Variants in ASTN2 observed in about 807,000 individuals in gnomAD.
ASTN2 encodes the protein astrotactin 2, also known as astrotactin-2.
Under a neutral mutation model 139.8 loss-of-function variants are expected in ASTN2, and 54 were observed. The ratio of observed to expected loss-of-function variants is 0.39; its 90% CI spans 0.31 to 0.48. The LOEUF (loss-of-function observed/expected upper bound fraction) is 0.48. Ranked by LOEUF, ASTN2 falls within the 20% of genes least tolerant of loss-of-function variation. The pLI is 0.95. For synonymous variants in ASTN2, 756 were observed against 719.5 expected, an observed-to-expected ratio of 1.05 and a Z score of -0.81; for missense variants, 1,565 against 1,725.1, an observed-to-expected ratio of 0.91 and a Z score of 1.64.
chr9:116,983,100 G>A (rs935508461), intron 7 of ASTN2, among the ~76,000 whole-genome samples: 5 of 152,266 alleles, frequency 3.3e-5, no homozygotes, highest in African/African-American at 1.2e-4. Context: ...ACCGGCCAGG[G>A]ATGCTGCCTG....
chr9:116,428,478 C>G (rs374001586), intron 22 of ASTN2, among the ~76,000 whole-genome samples: 4 of 151,588 alleles, frequency 2.6e-5, no homozygotes, highest in African/African-American at 9.7e-5. Context: ...GAACCAAGAT[C>G]GCGCCACTGC....
intron 2 of ASTN2, among the ~76,000 whole-genome samples, chr9:117,231,880 TTC>T (rs1466853140): frequency 6.6e-6 from 1 of 152,178 alleles, no homozygotes; most frequent in Non-Finnish European, 1.5e-5. Context: ...TTCTTCCTTG[TTC>T]TCTGTCCCGA....
At chr9:117,149,976 T>C (rs1256111657) in intron 3 of ASTN2, among the ~76,000 whole-genome samples, 1 of 152,156 alleles carries the variant, frequency 6.6e-6, no homozygotes, top group Non-Finnish European at 1.5e-5. Context: ...GGAGCAAATA[T>C]AAATTGGAAA....
chr9:116,645,084 T>C (rs1274321675), intron 17 of ASTN2, among the ~76,000 whole-genome samples: 1 of 152,168 alleles, frequency 6.6e-6, no homozygotes, highest in African/African-American at 2.4e-5. Flanking sequence ...TTGCCTACTT[T>C]ACAAATAAGT....
chr9:116,788,947 G>A (rs1830454810), intron 13 of ASTN2, among the ~76,000 whole-genome samples: 1 of 152,086 alleles, frequency 6.6e-6, no homozygotes, highest in Admixed American at 6.6e-5. Context: ...TGATTGGCTG[G>A]AGCACAAAGC....
intron 16 of ASTN2, among the ~76,000 whole-genome samples, chr9:116,714,593 T>C (rs1828262607): frequency 6.6e-6 from 1 of 152,146 alleles, no homozygotes; most frequent in Non-Finnish European, 1.5e-5. Flanking sequence ...GATAAGAGAA[T>C]TGAGTCCCAG....
chr9:116,640,190 AAAAG>A (rs1284979947), intron 17 of ASTN2, among the ~76,000 whole-genome samples: 1 of 152,198 alleles, frequency 6.6e-6, no homozygotes, highest in Non-Finnish European at 1.5e-5. Flanking sequence ...TGCAAGGTGC[AAAAG>A]AAAGGAATTG....
At chr9:116,630,881 T>C (rs1856713266) in intron 17 of ASTN2, among the ~76,000 whole-genome samples, 1 of 151,982 alleles carries the variant, frequency 6.6e-6, no homozygotes, top group Non-Finnish European at 1.5e-5. Context: ...TATAATCCAA[T>C]TTAAAAATGG....
At chr9:117,068,186 A>G (rs1345743897) in intron 5 of ASTN2, among the ~76,000 whole-genome samples, 2 of 75,534 alleles carry the variant, frequency 2.6e-5, no homozygotes, top group Non-Finnish European at 5.4e-5. Context: ...CGTCCCATCA[A>G]TACCTAATTT....
At chr9:117,214,815 T>C (rs996745908) in intron 2 of ASTN2, 73 bp from the exon 3 acceptor site, 49 of 1,356,656 alleles carry the variant, frequency 3.6e-5, no homozygotes, top group Non-Finnish European at 4.7e-5. Flanking sequence ...GATTTTCCTG[T>C]CCACTACACT....
intron 13 of ASTN2, among the ~76,000 whole-genome samples, chr9:116,795,214 G>A (rs1027758656): frequency 2.6e-5 from 4 of 152,034 alleles, no homozygotes; most frequent in East Asian, 3.9e-4. Flanking sequence ...TCCTGACCTC[G>A]TGATCCACCC....
At chr9:116,603,013 A>C (rs4837659) in intron 19 of ASTN2, among the ~76,000 whole-genome samples, 43,503 of 152,140 alleles carry the variant, frequency 0.29, 7,215 homozygotes, top group Admixed American at 0.43. Context: ...GTTAACACTG[A>C]TGACTGATGA....
At chr9:116,576,664 G>A (rs1853734822) in intron 19 of ASTN2, among the ~76,000 whole-genome samples, 1 of 152,134 alleles carries the variant, frequency 6.6e-6, no homozygotes, top group South Asian at 2.1e-4. Context: ...TACTCTGTGT[G>A]CCTGTGCCTG....
intron 13 of ASTN2, among the ~76,000 whole-genome samples, chr9:116,763,186 T>C (rs930465): frequency 0.72 from 108,924 of 152,034 alleles, 39,105 homozygotes; most frequent in South Asian, 0.84. Context: ...ATCTTGTTTG[T>C]CACTGTCTAT....
chr9:116,773,036 C>A (rs2132188633), intron 13 of ASTN2, among the ~76,000 whole-genome samples: 1 of 150,968 alleles, frequency 6.6e-6, no homozygotes, highest in South Asian at 2.1e-4. Context: ...CTGGCTCCTG[C>A]TTTTCCTCTC....
intron 14 of ASTN2, among the ~76,000 whole-genome samples, chr9:116,731,846 T>C (rs566388028): frequency 1.1e-4 from 16 of 152,280 alleles, no homozygotes; most frequent in Admixed American, 6.5e-4. Flanking sequence ...TCACAGACCG[T>C]GGACATGTCT....
intron 13 of ASTN2, 112 bp downstream of exon 13, chr9:116,805,520 G>T: frequency 1.0e-6 from 1 of 974,290 alleles, no homozygotes. Flanking sequence ...AGCTTAAAGT[G>T]ATGCTGGCCA....
At chr9:117,079,145 C>T (rs547837488) in intron 5 of ASTN2, among the ~76,000 whole-genome samples, 47 of 152,272 alleles carry the variant, frequency 3.1e-4, no homozygotes, top group African/African-American at 1.1e-3. Flanking sequence ...CACTTGAGTC[C>T]AGGAGTTTGA....
At chr9:117,301,820 C>T (rs1328646147) in intron 1 of ASTN2, among the ~76,000 whole-genome samples, 1 of 152,158 alleles carries the variant, frequency 6.6e-6, no homozygotes, top group Admixed American at 6.5e-5. Flanking sequence ...TTTTTAAGAT[C>T]ACTTTGCTCC....
Sources: gnomAD v4.1 joint callset for allele counts (sites outside exome capture counted in the v4.1 genomes callset) on GRCh38, gnomAD v4.1.1 for gene constraint, MANE v1.5 for transcripts, NCBI Gene and HGNC (gene_info 2026-07-23, HGNC 2026-07-21) for gene names.